The following LRRC4C variants were observed in gnomAD, a reference collection of about 807,000 sequenced individuals.
The protein encoded by LRRC4C is leucine-rich repeat-containing protein 4C.
Under a neutral mutation model 33.6 loss-of-function variants are expected in LRRC4C, and 5 were observed. That is an observed-to-expected ratio of 0.15 (90% CI 0.08 to 0.31). LRRC4C has a LOEUF of 0.31. LRRC4C is among the 10% of genes least tolerant of loss of function. The pLI, the probability that LRRC4C is intolerant of heterozygous loss-of-function variation, is 1.00. For synonymous variants in LRRC4C, 329 were observed against 302.0 expected, an observed-to-expected ratio of 1.09 and a Z score of -0.93; for missense variants, 560 against 796.7, an observed-to-expected ratio of 0.70 and a Z score of 3.58.
chr11:41,028,308 C>T (rs375095952), intron 1 of LRRC4C, among the ~76,000 whole-genome samples: 5 of 151,378 alleles, frequency 3.3e-5, no homozygotes, highest in African/African-American at 1.2e-4. Flanking sequence ...AGAGATGGGG[C>T]CAAGGTCTTG....
chr11:40,370,475 C>G (rs1948405426), intron 3 of LRRC4C, among the ~76,000 whole-genome samples: 1 of 152,144 alleles, frequency 6.6e-6, no homozygotes, highest in Admixed American at 6.5e-5. Context: ...AATAAAGTAA[C>G]ATAGCAACAA....
intron 1 of LRRC4C, among the ~76,000 whole-genome samples, chr11:41,458,268 A>T (rs530749809): frequency 6.6e-6 from 1 of 152,240 alleles, no homozygotes; most frequent in East Asian, 1.9e-4. Flanking sequence ...ATGAACTAAC[A>T]CTATTCTCTT....
At chr11:40,269,915 C>T (rs1328140785) in intron 4 of LRRC4C, among the ~76,000 whole-genome samples, 1 of 152,080 alleles carries the variant, frequency 6.6e-6, no homozygotes, top group African/African-American at 2.4e-5. Flanking sequence ...TTTTTAGAAT[C>T]TATTTCTATT....
At chr11:40,958,818 A>C (rs1959069980) in intron 1 of LRRC4C, among the ~76,000 whole-genome samples, 1 of 151,772 alleles carries the variant, frequency 6.6e-6, no homozygotes, top group Admixed American at 6.6e-5. Flanking sequence ...CAGGATTACA[A>C]CAGGAAGAGG....
chr11:41,202,888 C>T (rs1056814578), intron 1 of LRRC4C, among the ~76,000 whole-genome samples: 8 of 151,874 alleles, frequency 5.3e-5, no homozygotes, highest in African/African-American at 1.2e-4. Context: ...CGGGTCCAAG[C>T]GATTCTCCTG....
At chr11:40,145,061 C>T (rs1467241551) in intron 5 of LRRC4C, among the ~76,000 whole-genome samples, 1 of 152,186 alleles carries the variant, frequency 6.6e-6, no homozygotes, top group African/African-American at 2.4e-5. Flanking sequence ...CCCCCTGGGA[C>T]AGCCAACATA....
intron 1 of LRRC4C, among the ~76,000 whole-genome samples, chr11:41,244,082 A>G (rs1011276200): frequency 1.3e-5 from 2 of 152,120 alleles, no homozygotes; most frequent in Admixed American, 6.5e-5. Flanking sequence ...AAGAGAATGG[A>G]TAATTTCCAC....
intron 3 of LRRC4C, among the ~76,000 whole-genome samples, chr11:40,404,904 T>C (rs555860916): frequency 6.6e-6 from 1 of 152,052 alleles, no homozygotes; most frequent in East Asian, 1.9e-4. Flanking sequence ...TAAATTAACA[T>C]ATCCATCATC....
rs150941072 is a variant in LRRC4C, at chr11:40,346,662, C to A, written c.-269-26941G>T. ...AACAAATCCCCACGATACAAGTTTACCTATGTAACAAACCTGCACATGTGC... is the reference window on the plus strand; with the variant it reads ...AACAAATCCCCACGATACAAGTTTAACTATGTAACAAACCTGCACATGTGC... On this transcript the variant is annotated intron_variant, in intron 3 of 6. Coordinates refer to ENST00000528697, the MANE Select transcript of LRRC4C (RefSeq NM_001258419.2). Among the ~76,000 whole-genome samples the A allele has an allele frequency of 7.0e-3, 1,072 of 152,236 alleles. 14 individuals carry two copies. The highest frequency in any genetic ancestry group is 0.024 in the African/African-American group (1,012 of 41,542).
intron 1 of LRRC4C, among the ~76,000 whole-genome samples, chr11:40,948,370 C>CT: frequency 6.6e-6 from 1 of 151,936 alleles, no homozygotes; most frequent in South Asian, 2.1e-4. Flanking sequence ...ATCTCTTTTT[C>CT]TTTTTTATTA....
intron 3 of LRRC4C, among the ~76,000 whole-genome samples, chr11:40,512,847 T>C (rs934899959): frequency 1.3e-5 from 2 of 152,028 alleles, no homozygotes; most frequent in East Asian, 1.9e-4. Flanking sequence ...CACACTGCAG[T>C]AGCTGCTCTG....
chr11:40,686,342 G>T (rs1944952649), intron 2 of LRRC4C, among the ~76,000 whole-genome samples: 1 of 152,096 alleles, frequency 6.6e-6, no homozygotes, highest in Non-Finnish European at 1.5e-5. Context: ...CTCAGTGTGT[G>T]CTAACTGAGT....
At chr11:40,336,870 G>A (rs1162551920) in intron 3 of LRRC4C, among the ~76,000 whole-genome samples, 3 of 150,388 alleles carry the variant, frequency 2.0e-5, no homozygotes, top group African/African-American at 7.4e-5. Flanking sequence ...CCAGCTACTC[G>A]GGAGGCTGAG....
intron 1 of LRRC4C, among the ~76,000 whole-genome samples, chr11:41,122,221 C>G (rs1250099999): frequency 6.6e-6 from 1 of 152,062 alleles, no homozygotes; most frequent in African/African-American, 2.4e-5. Context: ...AGCCTTTGGT[C>G]AAGTAACAGT....
chr11:41,395,115 G>C (rs1953754382), intron 1 of LRRC4C, among the ~76,000 whole-genome samples: 1 of 149,554 alleles, frequency 6.7e-6, no homozygotes, highest in Non-Finnish European at 1.5e-5. Context: ...TTTTTCTGAT[G>C]AAGCAGGGTA....
rs187969791 is a variant in LRRC4C, at chr11:40,194,778, A to C, written c.-96+46741T>G. Among the ~76,000 whole-genome samples, 437 of 152,304 alleles carry C rather than the reference A, an allele frequency of 2.9e-3. 1 individual carries two copies. Among genetic ancestry groups the C allele is most frequent in the African/African-American group, 1.0e-2 (414 of 41,570 alleles). On this transcript the variant is annotated intron_variant, in intron 5 of 6. Transcript: ENST00000528697. ...AGAACTTAAAGTATAATAACAAAAA[A>C]TCTATAGATTATTAAAGAAGACGAC...
chr11:40,758,652 GA>G (rs1285065998), intron 2 of LRRC4C, among the ~76,000 whole-genome samples: 1 of 151,888 alleles, frequency 6.6e-6, no homozygotes, highest in Non-Finnish European at 1.5e-5. Context: ...TAAGACTCTA[GA>G]AAAAGGAAGA....
In LRRC4C at chr11:41,411,440, G is replaced by C. The variant is rs545903059; in HGVS notation, c.-496+47991C>G. On this transcript the variant is annotated intron_variant, in intron 1 of 6. Transcript: ENST00000528697. The stretch of plus-strand genomic sequence containing the variant: ...TGGGATTACAGGCTTGAGCCACCGC[G>C]CCCAGCCTTGGTTGGTACCCTATTG... 2.0e-5 allele frequency among the ~76,000 whole-genome samples: 3 copies of C among 151,660 alleles called. No homozygotes were observed. The South Asian group carries it at 6.3e-4, about 32-fold the overall frequency.
intron 1 of LRRC4C, among the ~76,000 whole-genome samples, chr11:41,009,897 T>C (rs1457560556): frequency 6.6e-6 from 1 of 152,120 alleles, no homozygotes; most frequent in African/African-American, 2.4e-5. Context: ...ACAAACGTAA[T>C]CAATTTATAA....
Sources: allele counts gnomAD v4.1 joint callset (sites outside exome capture counted in the v4.1 genomes callset), GRCh38; gene constraint gnomAD v4.1.1; transcripts MANE v1.5; gene names NCBI Gene and HGNC (gene_info 2026-07-23, HGNC 2026-07-21).